The following SAMMSON variants were observed in gnomAD, a reference collection of about 807,000 sequenced individuals.
The protein encoded by SAMMSON is long intergenic non-protein coding RNA 1212.
chr3:70,045,525 A>T (rs1231793625), intron 3 of SAMMSON, among the ~76,000 whole-genome samples: 1 of 151,524 alleles, frequency 6.6e-6, no homozygotes, highest in Non-Finnish European at 1.5e-5. Context: ...TTTTTCATCC[A>T]ACCCCCTTTT....
intron 4 of SAMMSON, among the ~76,000 whole-genome samples, chr3:70,245,715 A>ATT (rs1491571783): frequency 1.5e-5 from 2 of 135,714 alleles, no homozygotes; most frequent in Non-Finnish European, 3.2e-5. Context: ...ATATATATAT[A>ATT]CACATTCAAA....
At chr3:70,092,693 A>G (rs1263129056) in intron 4 of SAMMSON, among the ~76,000 whole-genome samples, 1 of 152,044 alleles carries the variant, frequency 6.6e-6, no homozygotes, top group Non-Finnish European at 1.5e-5. Context: ...ACACAGTCGG[A>G]GCTTAATAGA....
chr3:70,217,441 C>T (rs1701426124), intron 4 of SAMMSON, among the ~76,000 whole-genome samples: 1 of 152,040 alleles, frequency 6.6e-6, no homozygotes, highest in Non-Finnish European at 1.5e-5. Flanking sequence ...AATTGCCTTC[C>T]AGAAAGATTG....
At chr3:70,346,475 G>A (rs1480525932) in intron 7 of SAMMSON, among the ~76,000 whole-genome samples, 1 of 151,694 alleles carries the variant, frequency 6.6e-6, no homozygotes, top group African/African-American at 2.4e-5. Flanking sequence ...TCTGGGTTTA[G>A]GTTTACTTAT....
At chr3:70,314,640 G>A (rs144536976) in intron 7 of SAMMSON, among the ~76,000 whole-genome samples, 2 of 152,158 alleles carry the variant, frequency 1.3e-5, no homozygotes, top group African/African-American at 4.8e-5. Context: ...CCAGGGACAC[G>A]GCTGAAGCTA....
chr3:70,132,807 A>G (rs1312364404), intron 4 of SAMMSON, among the ~76,000 whole-genome samples: 1 of 151,308 alleles, frequency 6.6e-6, no homozygotes, highest in Non-Finnish European at 1.5e-5. Flanking sequence ...AAAACAATTT[A>G]TGAACCTTGT....
chr3:70,150,109 TG>T (rs2067565136), intron 4 of SAMMSON, among the ~76,000 whole-genome samples: 2 of 152,218 alleles, frequency 1.3e-5, no homozygotes, highest in Admixed American at 1.3e-4. Context: ...ATATCTCAGT[TG>T]GTTGCCATAA....
chr3:70,022,758 G>T (rs1407733516), intron 3 of SAMMSON, among the ~76,000 whole-genome samples: 2 of 152,106 alleles, frequency 1.3e-5, no homozygotes, highest in Non-Finnish European at 2.9e-5. Flanking sequence ...ACAGCTAAAG[G>T]GCCTAAGCCC....
intron 4 of SAMMSON, among the ~76,000 whole-genome samples, chr3:70,181,978 G>A (rs1287443479): frequency 6.6e-6 from 1 of 152,088 alleles, no homozygotes. Flanking sequence ...AGGAGCATTG[G>A]GGAGGGAGTA....
chr3:70,065,809 G>A (rs774859480), intron 3 of SAMMSON, among the ~76,000 whole-genome samples: 7 of 152,084 alleles, frequency 4.6e-5, no homozygotes, highest in African/African-American at 1.2e-4. Context: ...GCGCCAAGGT[G>A]CAGAAACCCT....
intron 4 of SAMMSON, among the ~76,000 whole-genome samples, chr3:70,091,918 C>A (rs2067306287): frequency 6.6e-6 from 1 of 152,148 alleles, no homozygotes; most frequent in Non-Finnish European, 1.5e-5. Flanking sequence ...CATTTTGGAA[C>A]CCCTGTCTGC....
chr3:70,128,693 G>A (rs2106672515), intron 4 of SAMMSON, among the ~76,000 whole-genome samples: 1 of 152,052 alleles, frequency 6.6e-6, no homozygotes, highest in Middle Eastern at 3.4e-3. Flanking sequence ...TTAAGAAAGG[G>A]AACCAATCCT....
At chr3:70,267,367 T>A (rs974065694) in intron 6 of SAMMSON, among the ~76,000 whole-genome samples, 4 of 149,822 alleles carry the variant, frequency 2.7e-5, no homozygotes, top group African/African-American at 9.8e-5. Flanking sequence ...TAGACTCTAC[T>A]CTCTTGTACA....
At chr3:70,122,235 C>T (rs550610116) in intron 4 of SAMMSON, among the ~76,000 whole-genome samples, 21 of 152,270 alleles carry the variant, frequency 1.4e-4, no homozygotes, top group African/African-American at 5.1e-4. Flanking sequence ...CTCTGTCACC[C>T]AGGCCGGAGT....
At chr3:70,397,121 A>C (rs1485645808) in intron 2 of SAMMSON, among the ~76,000 whole-genome samples, 1 of 152,184 alleles carries the variant, frequency 6.6e-6, no homozygotes, top group African/African-American at 2.4e-5. Flanking sequence ...AGGAAACAGC[A>C]ATCACCCCAA....
At chr3:70,422,315 A>AT (rs2106775002) in intron 2 of SAMMSON, among the ~76,000 whole-genome samples, 1 of 152,150 alleles carries the variant, frequency 6.6e-6, no homozygotes, top group Non-Finnish European at 1.5e-5. Context: ...AGCATCAAAT[A>AT]TTTTGTTTTT....
chr3:70,151,271 C>G (rs1305511084), intron 4 of SAMMSON, among the ~76,000 whole-genome samples: 8 of 152,014 alleles, frequency 5.3e-5, no homozygotes, highest in Non-Finnish European at 8.8e-5. Context: ...CTCCTTGGTG[C>G]TGGAGCTCAG....
At chr3:70,123,879 G>T (rs1468770581) in intron 4 of SAMMSON, among the ~76,000 whole-genome samples, 2 of 152,194 alleles carry the variant, frequency 1.3e-5, no homozygotes, top group African/African-American at 2.4e-5. Context: ...TCATTTTAAG[G>T]TATCAGAATG....
intron 9 of SAMMSON, among the ~76,000 whole-genome samples, chr3:70,364,984 AT>A (rs1245734973): frequency 1.3e-5 from 2 of 150,440 alleles, no homozygotes; most frequent in South Asian, 4.2e-4. Flanking sequence ...TTGTCACATT[AT>A]TTTTTTTTCT....
Sources: gnomAD v4.1 joint callset for allele counts (sites outside exome capture counted in the v4.1 genomes callset) on GRCh38, gnomAD v4.1.1 for gene constraint, MANE v1.5 for transcripts, NCBI Gene and HGNC (gene_info 2026-07-23, HGNC 2026-07-21) for gene names.